CHERP: variants seen among roughly 807,000 people sequenced by gnomAD.
The protein encoded by CHERP is ERPROT 213-21.
Under a neutral mutation model 113.8 loss-of-function variants are expected in CHERP, and 8 were observed. The ratio of observed to expected loss-of-function variants is 0.07; its 90% CI spans 0.04 to 0.13. CHERP has a LOEUF of 0.13. Ranked by LOEUF, CHERP falls within the 10% of genes least tolerant of loss-of-function variation. CHERP has a pLI of 1.00. For synonymous variants in CHERP, 559 were observed against 524.5 expected, an observed-to-expected ratio of 1.07 and a Z score of -0.90; for missense variants, 884 against 1,298.2, an observed-to-expected ratio of 0.68 and a Z score of 4.90.
chr19:16,539,161 T>G (rs1033110992), intron 2 of CHERP, among the ~76,000 whole-genome samples: 18 of 150,520 alleles, frequency 1.2e-4, no homozygotes, highest in African/African-American at 4.4e-4. Flanking sequence ...TTTTTTTTTT[T>G]TTTTGAGACG....
intron 8 of CHERP, among the ~76,000 whole-genome samples, chr19:16,529,430 CAG>C (rs904559017): frequency 6.6e-6 from 1 of 152,162 alleles, no homozygotes; most frequent in Non-Finnish European, 1.5e-5. Context: ...GAACAGGAAA[CAG>C]ATCTTCTGCT....
chr19:16,522,407 T>C (rs1196563402), intron 11 of CHERP, among the ~76,000 whole-genome samples: 1 of 152,196 alleles, frequency 6.6e-6, no homozygotes, highest in East Asian at 1.9e-4. Context: ...TACAGGCGTC[T>C]GCCACCACGC....
intron 5 of CHERP, among the ~76,000 whole-genome samples, chr19:16,531,234 G>A (rs2085701828): frequency 6.6e-6 from 1 of 152,228 alleles, no homozygotes; most frequent in South Asian, 2.1e-4. Flanking sequence ...TGTATGATGG[G>A]CGGGATGGGA....
chr19:16,540,762 G>A (rs1278528762), intron 2 of CHERP, among the ~76,000 whole-genome samples: 1 of 149,310 alleles, frequency 6.7e-6, no homozygotes, highest in African/African-American at 2.5e-5. Context: ...CAATGGCGTG[G>A]TCTTGGCTTA....
chr19:16,537,891 G>A (rs562776512), intron 2 of CHERP, among the ~76,000 whole-genome samples: 80 of 152,240 alleles, frequency 5.3e-4, no homozygotes, highest in African/African-American at 1.5e-3. Flanking sequence ...GATGGTTCAC[G>A]GTCCACATTG....
intron 2 of CHERP, among the ~76,000 whole-genome samples, chr19:16,539,399 G>A (rs1013258720): frequency 3.3e-5 from 5 of 151,968 alleles, no homozygotes; most frequent in Admixed American, 1.3e-4. Flanking sequence ...CGCCCGCCTC[G>A]GCCTCCCAAA....
At chr19:16,528,508 G>C (rs914746783) in intron 8 of CHERP, among the ~76,000 whole-genome samples, 1 of 152,146 alleles carries the variant, frequency 6.6e-6, no homozygotes, top group African/African-American at 2.4e-5. Flanking sequence ...CTGCCTTCTT[G>C]GTTTGCTGAA....
In CHERP at chr19:16,536,461, C is replaced by G. The variant is rs562733547; in HGVS notation, c.200-825G>C. 2.0e-5 allele frequency among the ~76,000 whole-genome samples: 3 copies of G among 152,266 alleles called. No individual in the cohort carries two copies. In the East Asian group the frequency reaches 5.8e-4, roughly 29 times the overall value. On this transcript the variant is annotated intron_variant, in intron 2 of 16. Coordinates refer to ENST00000546361, the MANE Select transcript of CHERP (RefSeq NM_006387.6). ...CCCTGGAGCCCTCCAGAGCCCCACT[C>G]CAAGGGGACCAGGACAAAGCCAAAG...
At chr19:16,526,957 C>T (rs1439763522) in intron 9 of CHERP, among the ~76,000 whole-genome samples, 1 of 152,128 alleles carries the variant, frequency 6.6e-6, no homozygotes, top group Non-Finnish European at 1.5e-5. Context: ...TGGAGTCTTG[C>T]CTTGTTGCCC....
chr19:16,528,506 T>C (rs890282877), intron 8 of CHERP, among the ~76,000 whole-genome samples: 1 of 152,246 alleles, frequency 6.6e-6, no homozygotes, highest in Admixed American at 6.5e-5. Context: ...TTCTGCCTTC[T>C]TGGTTTGCTG....
intron 2 of CHERP, 107 bp downstream of exon 2, chr19:16,541,763 T>C: frequency 1.6e-6 from 2 of 1,228,594 alleles, no homozygotes; most frequent in Non-Finnish European, 2.3e-6. Context: ...GCTGCTCCAC[T>C]TCAAAGAATA....
rs761263861 is a variant in CHERP at position 16,529,762 on chromosome 19, G to C, written c.1015C>G (p.Gln339Glu). The C allele has an allele frequency of 3.1e-6, 5 of 1,611,772 alleles. No homozygotes were observed. Among genetic ancestry groups the C allele is most frequent in the Non-Finnish European group, 4.2e-6 (5 of 1,179,410 alleles). The part of the protein sequence containing the change: ...AQQQQQQQQQ[Q>E]QQLQMPQMEA... ...ATCTGCGGCATCTGGAGCTGCTGCT[G>C]CTGCTGTTGCTGCTGCTGCTGCTGC... The change falls in exon 8 of 17, where the codon CAG (glutamine) becomes GAG (glutamate). Residue 339 changes from glutamine to glutamate, a missense_variant. Transcript: ENST00000546361.
At chr19:16,528,822 G>A (rs913423833) in intron 8 of CHERP, among the ~76,000 whole-genome samples, 7 of 152,138 alleles carry the variant, frequency 4.6e-5, no homozygotes, top group East Asian at 3.9e-4. Context: ...GCATGGTTGC[G>A]TGCGCCTGTA....
rs781475450 is a variant in CHERP at position 16,519,685 on chromosome 19, C to T, written c.2493G>A (p.Ala831=). The T allele has an allele frequency of 1.7e-5, 27 of 1,613,732 alleles. No individual in the cohort carries two copies. The highest frequency in any genetic ancestry group is 1.6e-4 in the Middle Eastern group (1 of 6,084). The change falls in exon 16 of 17, where the codon GCG becomes GCA. Residue 831 remains alanine (A), a synonymous_variant. Coordinates refer to ENST00000546361, the MANE Select transcript of CHERP (RefSeq NM_006387.6). The surrounding 1 kb of genome is among the most constrained non-coding windows in gnomAD (Gnocchi z 6.0). ...PSSAGLGSNS[A]PPIPDSRLGE... is the part of the protein sequence containing the mutation. ...CGAGCCTTGAGTCAGGGATGGGAGG[C>T]GCCGAATTAGAACCCAGACCAGCAG...
chr19:16,540,683 CCTTTT>C (rs1339607808), intron 2 of CHERP, among the ~76,000 whole-genome samples: 5 of 149,518 alleles, frequency 3.3e-5, no homozygotes, highest in African/African-American at 1.2e-4. Flanking sequence ...TCCTTTCAAG[CCTTTT>C]CTTTTTCTTT....
At position 16,519,903 on chromosome 19, in the gene CHERP, C is replaced by T; in HGVS notation, c.2463-188G>A. On this transcript the variant is annotated intron_variant, in intron 15 of 16. Transcript: ENST00000546361. The surrounding 1 kb of genome is among the most constrained non-coding windows in gnomAD (Gnocchi z 6.0). ...ATAAGGGGGCTCCAGACGCTGGCCC[C>T]CACCCCACGCTCAGCATTGAGAGCA... 1.5e-6 allele frequency: 1 copy of T among 667,542 alleles called. No individual in the cohort carries two copies. Among genetic ancestry groups the T allele is most frequent in the Non-Finnish European group, 2.6e-6 (1 of 383,634 alleles). The allele number at this position is 667,542 out of a possible 1,614,324, so 41.4% of individuals were successfully genotyped here. A position where few individuals can be genotyped will look rare whatever the true frequency, so the allele number is the denominator to read the frequency against.
At chr19:16,533,841 A>G (rs748942203) in intron 3 of CHERP, among the ~76,000 whole-genome samples, 1 of 152,188 alleles carries the variant, frequency 6.6e-6, no homozygotes, top group African/African-American at 2.4e-5. Context: ...CATGGTGTGA[A>G]CGACAGGCAA....
At position 16,532,323 on chromosome 19, in the gene CHERP, G is replaced by C. The variant is rs1332040963; in HGVS notation, c.674+275C>G. 7.2e-6 allele frequency: 3 copies of C among 418,532 alleles called. No homozygotes were observed. The highest frequency in any genetic ancestry group is 4.3e-5 in the South Asian group (1 of 23,386). 25.9% of individuals were successfully genotyped at this position (418,532 alleles called of 1,614,324 possible). On this transcript the variant is annotated intron_variant, in intron 5 of 16. Transcript: ENST00000546361. This position sits in a 1 kb window ranked among gnomAD's most constrained non-coding sequence, Gnocchi z 4.4. The stretch of plus-strand genomic sequence containing the variant: ...ATGAGAGGAAGGAGTGCAGGGGACA[G>C]TGGCCCCCAGGAGACAGCAATGTGA...
chr19:16,520,233 C>T lies in CHERP; in HGVS notation c.2378G>A (p.Arg793His), dbSNP rs202164310. The change falls in exon 15 of 17, where the codon CGC becomes CAC. Residue 793 changes from arginine to histidine, a missense_variant. Arg to His is a conservative substitution (Grantham distance 29). This residue lies in a region of CHERP where 159 missense variants were observed against 185.8 expected (regional missense o/e 0.86). Transcript: ENST00000546361. This position sits in a 1 kb window ranked among gnomAD's most constrained non-coding sequence, Gnocchi z 4.0. Reference sequence around the variant, plus strand: ...CCGGGACCGCGACTGGGACCGGGAGCGGCTTCTGGAGGAGCGCGACCTGCT... The same window carrying T: ...CCGGGACCGCGACTGGGACCGGGAGTGGCTTCTGGAGGAGCGCGACCTGCT... ...SRSRSRSSRS[R>H]SRSQSRSRSK... The T allele has an allele frequency of 1.0e-4, 166 of 1,613,304 alleles. No individual in the cohort carries two copies. In the Middle Eastern group the frequency reaches 4.5e-3, roughly 43 times the overall value.
Sources: gnomAD v4.1 joint callset for allele counts (sites outside exome capture counted in the v4.1 genomes callset) on GRCh38, gnomAD v4.1.1 for gene constraint, gnomAD v4.1.1 regional missense constraint, Gnocchi (gnomAD v3.1) non-coding constraint, MANE v1.5 for transcripts, NCBI Gene and HGNC (gene_info 2026-07-23, HGNC 2026-07-21) for gene names.